The following DSP variants were observed in gnomAD, a reference collection of about 807,000 sequenced individuals.
The protein encoded by DSP is desmoplakin, also known as 250/210 kDa paraneoplastic pemphigus antigen.
In DSP, 114 loss-of-function variants were observed where a neutral mutation model predicts 290.6. That is an observed-to-expected ratio of 0.39 (90% CI 0.34 to 0.46). DSP has a LOEUF of 0.46. Ranked by LOEUF, DSP falls within the 20% of genes least tolerant of loss-of-function variation. DSP has a pLI of 0.99. For synonymous variants in DSP, 1,311 were observed against 1,316.4 expected (o/e 1.00, Z 0.09); for missense variants, 3,230 against 3,495.8 (o/e 0.92, Z 1.92).
At chr6:7,574,049 C>A in intron 15 of DSP, 37 bp from the exon 16 acceptor site, 1 of 1,609,934 alleles carries the variant, frequency 6.2e-7, no homozygotes, top group Non-Finnish European at 8.5e-7. Flanking sequence ...TAAAAAGAAT[C>A]AGCTAAATCA....
chr6:7,583,144 T>C lies in DSP; in HGVS notation c.5882T>C (p.Val1961Ala). The change falls in exon 24 of 24, where the codon GTT becomes GCT. Residue 1961 changes from valine (V) to alanine (A), a missense_variant. Transcript: ENST00000379802. This position sits in a 1 kb window ranked among gnomAD's most constrained non-coding sequence, Gnocchi z 4.0. ...ACCCAGACTGAGTGTGAGTGGACCG[T>C]TGACACCTCCAAGCTGGTGTTTGAT... ...RETQTECEWT[V>A]DTSKLVFDGL... 2 of 1,613,904 alleles carry C rather than the reference T, an allele frequency of 1.2e-6. No individual in the cohort carries two copies. Among genetic ancestry groups the C allele is most frequent in the Non-Finnish European group, 1.7e-6 (2 of 1,179,962 alleles).
In DSP at chr6:7,565,641, T is replaced by G; in HGVS notation, c.939+121T>G. 7.4e-7 allele frequency: 1 copy of G among 1,354,526 alleles called. No homozygotes were observed. The highest frequency in any genetic ancestry group is 1.2e-5 in the South Asian group (1 of 80,956). The allele number at this position is 1,354,526 out of a possible 1,614,324, so 83.9% of individuals were successfully genotyped here. The stretch of plus-strand genomic sequence containing the variant: ...TCAGCCACTTGCAATTCAGCCTTCT[T>G]TGAAATGGTCGTGAAAAATCCTTCC... On this transcript the variant is annotated intron_variant, in intron 7 of 23. Transcript: ENST00000379802. This position sits in a 1 kb window ranked among gnomAD's most constrained non-coding sequence, Gnocchi z 4.2.
Position 7,583,113 on chromosome 6 carries a change from C to T in DSP, c.5851C>T (p.Arg1951Ter), listed in dbSNP as rs869025395. ...KLRQRPYGSH[R>*]ETQTECEWTV... is the part of the protein sequence containing the mutation. ...CAGACAGCGCCCATATGGGTCCCAT[C>T]GAGAGACCCAGACTGAGTGTGAGTG... is the stretch of plus-strand genomic sequence containing the variant. The change falls in exon 24 of 24, where the codon CGA (arginine) becomes TGA (stop). Residue 1951 changes from arginine (R) to a stop codon, truncating the protein, a stop_gained. Coordinates refer to ENST00000379802, the MANE Select transcript of DSP (RefSeq NM_004415.4). LOFTEE classifies it high-confidence loss of function. The surrounding 1 kb of genome is among the most constrained non-coding windows in gnomAD (Gnocchi z 4.0). The T allele has an allele frequency of 1.2e-6, 2 of 1,613,992 alleles. No homozygotes were observed. The highest frequency in any genetic ancestry group is 8.5e-7 in the Non-Finnish European group (1 of 1,180,004).
chr6:7,556,219 A>G (rs575339775), intron 2 of DSP, among the ~76,000 whole-genome samples: 1 of 152,190 alleles, frequency 6.6e-6, no homozygotes, highest in African/African-American at 2.4e-5. Flanking sequence ...TTTTTCAGAG[A>G]AAATGACTAT....
At chr6:7,574,335 T>G in intron 16 of DSP, 83 bp downstream of exon 16, 5 of 1,390,190 alleles carry the variant, frequency 3.6e-6, no homozygotes, top group Non-Finnish European at 5.1e-6. Flanking sequence ...GATGCTTGCC[T>G]TACAGTTTCT....
Position 7,585,913 on chromosome 6 carries a change from C to A in DSP, c.*35C>A. 1 of 1,589,588 alleles carries A rather than the reference C, an allele frequency of 6.3e-7. No homozygotes were observed. Among genetic ancestry groups the A allele is most frequent in the Non-Finnish European group, 8.6e-7 (1 of 1,160,518 alleles). Reference sequence around the variant, plus strand: ...GGGAGTGGTTGCTATACCTTGACTTCATTTATATGAATTTCCACTTTATTA... The same window carrying A: ...GGGAGTGGTTGCTATACCTTGACTTAATTTATATGAATTTCCACTTTATTA... On this transcript the variant is annotated 3_prime_UTR_variant, in exon 24 of 24. Coordinates refer to ENST00000379802, the MANE Select transcript of DSP (RefSeq NM_004415.4).
Position 7,565,891 on chromosome 6 carries a change from G to C in DSP, c.939+371G>C, listed in dbSNP as rs368412493. On this transcript the variant is annotated intron_variant, in intron 7 of 23. Transcript: ENST00000379802. This position sits in a 1 kb window ranked among gnomAD's most constrained non-coding sequence, Gnocchi z 4.2. ...TAACTAATGGGTACTAGGCTTAATC[G>C]TGGGTGATGAAATAACCTGTACAAC... 1.4e-5 allele frequency: 5 copies of C among 355,034 alleles called. No individual in the cohort carries two copies. The allele number at this position is 355,034 out of a possible 1,614,324, so 22.0% of individuals were successfully genotyped here.
Position 7,583,767 on chromosome 6 carries a change from C to G in DSP, c.6505C>G (p.Gln2169Glu), listed in dbSNP as rs1561702645. ...YRSLNDPRDS[Q>E]KNFVDPVTKK... The stretch of plus-strand genomic sequence containing the variant: ...ATCCCTGAATGATCCCCGAGATAGT[C>G]AGAAAAACTTTGTGGATCCAGTCAC... The change falls in exon 24 of 24, where the codon CAG becomes GAG. Residue 2169 changes from glutamine to glutamate, a missense_variant. Around this residue, in one of 5 missense-constraint regions of DSP, gnomAD observed 1,714 missense variants for 1,844.5 expected, o/e 0.93. Coordinates refer to ENST00000379802, the MANE Select transcript of DSP (RefSeq NM_004415.4). This position sits in a 1 kb window ranked among gnomAD's most constrained non-coding sequence, Gnocchi z 4.0. 1.9e-6 allele frequency: 3 copies of G among 1,614,054 alleles called. No individual in the cohort carries two copies. The highest frequency in any genetic ancestry group is 4.5e-5 in the East Asian group (2 of 44,864).
chr6:7,558,441 A>G (rs1019199674), intron 3 of DSP, among the ~76,000 whole-genome samples, 177 bp downstream of exon 3: 3 of 150,334 alleles, frequency 2.0e-5, no homozygotes, highest in Non-Finnish European at 2.9e-5. Context: ...CAAAGTGACC[A>G]TTTCATTATA....
rs1198357388 is a variant in DSP, at chr6:7,585,492, A to G, written c.8230A>G (p.Arg2744Gly). The G allele has an allele frequency of 3.7e-6, 6 of 1,614,208 alleles. No individual in the cohort carries two copies. Among genetic ancestry groups the G allele is most frequent in the Non-Finnish European group, 5.1e-6 (6 of 1,180,038 alleles). Residue 2744 changes from arginine to glycine, a missense_variant, in exon 24 of 24, where the codon AGG (arginine) becomes GGG (glycine). By Grantham distance (125) the Arg-to-Gly change is moderately radical. Around this residue, in one of 5 missense-constraint regions of DSP, gnomAD observed 582 missense variants for 555.4 expected, o/e 1.05. Transcript: ENST00000379802. ...TCTTGTTGACCCGGAAGTGCATGGG[A>G]GGATAAGCACCGAAGAAGCCATCCG... ...GGLVDPEVHG[R>G]ISTEEAIRKG...
chr6:7,541,842 C>A lies in DSP; in HGVS notation c.-74C>A. ...CCCGGCCGTCCGCCTATCCTTGGCCCCCTCCGCTTTCTCCGCGCCGGCCCG... is the reference window on the plus strand; with the variant it reads ...CCCGGCCGTCCGCCTATCCTTGGCCACCTCCGCTTTCTCCGCGCCGGCCCG... On this transcript the variant is annotated 5_prime_UTR_variant, in exon 1 of 24. Coordinates refer to ENST00000379802, the MANE Select transcript of DSP (RefSeq NM_004415.4). 1 of 1,517,954 alleles carries A rather than the reference C, an allele frequency of 6.6e-7. No homozygotes were observed. Among genetic ancestry groups the A allele is most frequent in the African/African-American group, 1.4e-5 (1 of 72,434 alleles). 94.0% of individuals were successfully genotyped at this position (1,517,954 alleles called of 1,614,324 possible).
intron 14 of DSP, 119 bp from the exon 15 acceptor site, chr6:7,571,723 T>G: frequency 6.6e-7 from 1 of 1,508,344 alleles, no homozygotes; most frequent in Middle Eastern, 1.7e-4. Flanking sequence ...ATTTTCAGAA[T>G]TGATTCTGAA....
rs1207360275 is a variant in DSP at position 7,571,581 on chromosome 6, A to C, written c.1900A>C (p.Thr634Pro). The C allele has an allele frequency of 6.2e-7, 1 of 1,614,158 alleles. No individual in the cohort carries two copies. ...IQLPGYPQHQ[T>P]VTTTEITHHG... The stretch of plus-strand genomic sequence containing the variant: ...GCTCCCTGGCTATCCCCAGCACCAG[A>C]CAGGTCGGCTTGGGACATCTTTCTC... The change falls in exon 14 of 24, where the codon ACA becomes CCA. Residue 634 changes from threonine to proline, a missense_variant. By Grantham distance (38) the Thr-to-Pro change is conservative. This residue lies in a region of DSP where 81 missense variants were observed against 130.5 expected (regional missense o/e 0.62). Transcript: ENST00000379802.
intron 4 of DSP, among the ~76,000 whole-genome samples, chr6:7,560,340 C>T: frequency 6.6e-6 from 1 of 152,318 alleles, no homozygotes; most frequent in East Asian, 1.9e-4. Flanking sequence ...AGTGACTAAA[C>T]ATTTATTCAT....
Position 7,585,695 on chromosome 6 carries a change from G to C in DSP, c.8433G>C (p.Lys2811Asn), listed in dbSNP as rs753011095. 6.2e-7 allele frequency: 1 copy of C among 1,614,042 alleles called. No homozygotes were observed. The highest frequency in any genetic ancestry group is 2.2e-5 in the East Asian group (1 of 44,888). ...TGGAAGCCGCCTCCGTGTCGTCCAA[G>C]GGCTTACCCAGCCCTTACAACATGT... ...RLLEAASVSS[K>N]GLPSPYNMSS... Residue 2811 changes from lysine to asparagine, a missense_variant, in exon 24 of 24, where the codon AAG (lysine) becomes AAC (asparagine). Physicochemically the swap from Lys to Asn is moderately conservative, Grantham distance 94 (BLOSUM62 0). This residue lies in a region of DSP where 582 missense variants were observed against 555.4 expected (regional missense o/e 1.05). Coordinates refer to ENST00000379802, the MANE Select transcript of DSP (RefSeq NM_004415.4).
chr6:7,567,301 A>C, intron 8 of DSP, 53 bp from the exon 9 acceptor site: 1 of 1,387,526 alleles, frequency 7.2e-7, no homozygotes, highest in South Asian at 1.2e-5. Context: ...CTTGGTGTTC[A>C]TGCATCTGTA....
At position 7,563,718 on chromosome 6, in the gene DSP, C is replaced by T; in HGVS notation, c.727-18C>T. 6.2e-7 allele frequency: 1 copy of T among 1,609,568 alleles called. No homozygotes were observed. Among genetic ancestry groups the T allele is most frequent in the East Asian group, 2.2e-5 (1 of 44,836 alleles). On this transcript the variant is annotated intron_variant, in intron 5 of 23. Transcript: ENST00000379802. Reference sequence around the variant, plus strand: ...CCACAAGGGGATTTATATCTACCTGCTTTTTGTTGTCTTCTAGCGCGAGAA... The same window carrying T: ...CCACAAGGGGATTTATATCTACCTGTTTTTTGTTGTCTTCTAGCGCGAGAA...
chr6:7,577,474 A>T (rs1169118468), intron 20 of DSP, among the ~76,000 whole-genome samples: 1 of 152,106 alleles, frequency 6.6e-6, no homozygotes, highest in African/African-American at 2.4e-5. Flanking sequence ...GATTACAGGC[A>T]TGCACCACCA....
intron 1 of DSP, among the ~76,000 whole-genome samples, chr6:7,545,050 CAA>C (rs1178971948): frequency 2.0e-5 from 3 of 152,124 alleles, no homozygotes; most frequent in African/African-American, 7.2e-5. Context: ...ACCAAAGTAA[CAA>C]AGTCTCACAG....
Sources: allele counts gnomAD v4.1 joint callset (sites outside exome capture counted in the v4.1 genomes callset), GRCh38; gene constraint gnomAD v4.1.1; regional missense constraint gnomAD v4.1.1; non-coding constraint Gnocchi (gnomAD v3.1); transcripts MANE v1.5; gene names NCBI Gene and HGNC (gene_info 2026-07-23, HGNC 2026-07-21).